Variants in TPD52L2 observed in about 807,000 individuals in gnomAD.
The protein encoded by TPD52L2 is TPD52 like 2, also known as tumor protein D54.
A neutral mutation model predicts 24.7 loss-of-function variants in TPD52L2; 19 were observed. The observed-to-expected ratio is 0.77, with a 90% confidence interval of 0.54 to 1.13. The LOEUF (loss-of-function observed/expected upper bound fraction) is 1.13. Ranked by LOEUF, TPD52L2 falls within the 50% of genes most tolerant of loss-of-function variation. The pLI, the probability that TPD52L2 is intolerant of heterozygous loss-of-function variation, is 0.00. For synonymous variants in TPD52L2, 104 were observed against 100.2 expected, an observed-to-expected ratio of 1.04 and a Z score of -0.23; for missense variants, 236 against 250.4, an observed-to-expected ratio of 0.94 and a Z score of 0.39.
intron 2 of TPD52L2, 68 bp downstream of exon 2, chr20:63,869,509 C>T: frequency 1.9e-6 from 3 of 1,594,598 alleles, no homozygotes; most frequent in East Asian, 2.2e-5. Flanking sequence ...AGTGAGAGGC[C>T]AGGGTACTGG....
At chr20:63,878,476 G>A (rs534374687) in intron 4 of TPD52L2, among the ~76,000 whole-genome samples, 2 of 152,338 alleles carry the variant, frequency 1.3e-5, no homozygotes, top group South Asian at 2.1e-4. Flanking sequence ...CAGAAAGCAC[G>A]ACTCAAGGTA....
chr20:63,874,028 A>T (rs915825268), intron 3 of TPD52L2, among the ~76,000 whole-genome samples: 18 of 151,904 alleles, frequency 1.2e-4, no homozygotes, highest in Admixed American at 1.1e-3. Flanking sequence ...CATGTGTTTT[A>T]TTTATTTTTA....
chr20:63,889,266 C>G, intron 6 of TPD52L2, 28 bp downstream of exon 6: 1 of 1,603,282 alleles, frequency 6.2e-7, no homozygotes, highest in Non-Finnish European at 8.5e-7. Flanking sequence ...GTTTGATGGT[C>G]TTGGCAAGGT....
chr20:63,887,755 T>C, intron 5 of TPD52L2: 3 of 778,944 alleles, frequency 3.9e-6, no homozygotes, highest in South Asian at 3.2e-5. Flanking sequence ...TAAGGGCCGG[T>C]AAAAACCCCC....
chr20:63,882,004 G>C (rs1051467270), intron 4 of TPD52L2, among the ~76,000 whole-genome samples: 1 of 152,346 alleles, frequency 6.6e-6, no homozygotes, highest in South Asian at 2.1e-4. Context: ...GGACACTGGA[G>C]GGAGCTGGAG....
At position 63,890,004 on chromosome 20, in the gene TPD52L2, G is replaced by C; in HGVS notation, c.*59G>C. ...GCAACCCAGCCTCAGCATCACAGCC[G>C]CAGCTCTGTTCAGCGGAGCAGCCAG... On this transcript the variant is annotated 3_prime_UTR_variant, in exon 7 of 7. Transcript: ENST00000346249. 29 of 1,606,808 alleles carry C rather than the reference G, an allele frequency of 1.8e-5. No individual in the cohort carries two copies. Among genetic ancestry groups the C allele is most frequent in the Non-Finnish European group, 2.5e-5 (29 of 1,177,318 alleles).
chr20:63,880,179 T>C (rs4809376), intron 4 of TPD52L2, among the ~76,000 whole-genome samples: 1,120 of 51,116 alleles, frequency 0.022, 26 homozygotes, highest in East Asian at 0.11. Flanking sequence ...CCCCACTCTT[T>C]AGGCACAAAT....
At chr20:63,871,614 T>A (rs997814801) in intron 2 of TPD52L2, among the ~76,000 whole-genome samples, 3 of 150,840 alleles carry the variant, frequency 2.0e-5, no homozygotes, top group Admixed American at 6.6e-5. Flanking sequence ...CCTCCCATAG[T>A]GCTGGGATTA....
intron 1 of TPD52L2, among the ~76,000 whole-genome samples, chr20:63,866,093 T>A (rs1047666475): frequency 1.3e-5 from 2 of 150,946 alleles, no homozygotes; most frequent in African/African-American, 4.9e-5. Context: ...GCTAAATTTC[T>A]TTCTTTCTTT....
chr20:63,865,391 G>T lies in TPD52L2; in HGVS notation c.19+7G>T. 1 of 1,529,380 alleles carries T rather than the reference G, an allele frequency of 6.5e-7. No individual in the cohort carries two copies. Among genetic ancestry groups the T allele is most frequent in the Non-Finnish European group, 8.7e-7 (1 of 1,143,464 alleles). The allele number at this position is 1,529,380 out of a possible 1,614,324, so 94.7% of individuals were successfully genotyped here. On this transcript the variant is annotated splice_region_variant and intron_variant, in intron 1 of 6. Coordinates refer to ENST00000346249, the MANE Select transcript of TPD52L2 (RefSeq NM_003288.4). ...ATGGACTCCGCCGGCCAAGGTACCT[G>T]CCGGGCCCGGCCCCTTCGCCGCAGA...
At chr20:63,889,529 T>C (rs1196543870) in intron 6 of TPD52L2, among the ~76,000 whole-genome samples, 1 of 151,756 alleles carries the variant, frequency 6.6e-6, no homozygotes, top group East Asian at 1.9e-4. Context: ...CCTGGTACCT[T>C]CTTGGCCATG....
chr20:63,875,132 ACT>A (rs2052618870), intron 3 of TPD52L2, among the ~76,000 whole-genome samples: 1 of 145,912 alleles, frequency 6.9e-6, no homozygotes, highest in East Asian at 2.0e-4. Context: ...ACAGAGCAAG[ACT>A]CTGTCTCAAA....
intron 3 of TPD52L2, 37 bp from the exon 4 acceptor site, chr20:63,875,779 T>C (rs2052649898): frequency 6.2e-7 from 1 of 1,607,234 alleles, no homozygotes; most frequent in African/African-American, 1.3e-5. Context: ...TTAAAATTGT[T>C]CTTCTAAATA....
rs1258841769 is a variant in TPD52L2 at position 63,890,165 on chromosome 20, A to G, written c.*220A>G. ...TTACACTCACGTTTGTAGATGAAAC[A>G]GATCACTGTGCTGTCCTTCCTAGGG... On this transcript the variant is annotated 3_prime_UTR_variant, in exon 7 of 7. Transcript: ENST00000346249. 1 of 1,076,924 alleles carries G rather than the reference A, an allele frequency of 9.3e-7. No individual in the cohort carries two copies. Among genetic ancestry groups the G allele is most frequent in the African/African-American group, 1.6e-5 (1 of 63,100 alleles). 66.7% of individuals were successfully genotyped at this position (1,076,924 alleles called of 1,614,324 possible).
intron 5 of TPD52L2, among the ~76,000 whole-genome samples, chr20:63,885,027 C>T (rs139987310): frequency 2.0e-5 from 3 of 152,298 alleles, no homozygotes; most frequent in Admixed American, 6.5e-5. Flanking sequence ...CCATTCACCT[C>T]GAGTTAGAGA....
chr20:63,885,380 C>T (rs2053054171), intron 5 of TPD52L2, among the ~76,000 whole-genome samples: 1 of 152,242 alleles, frequency 6.6e-6, no homozygotes, highest in South Asian at 2.1e-4. Context: ...TTGAGTGTTT[C>T]TCAGTTCTTC....
rs915395242 is a variant in TPD52L2 at position 63,877,349 on chromosome 20, C to A, written c.374+1474C>A. 3.6e-6 allele frequency: 1 copy of A among 279,814 alleles called. No individual in the cohort carries two copies. Among genetic ancestry groups the A allele is most frequent in the Non-Finnish European group, 7.0e-6 (1 of 143,276 alleles). 17.3% of individuals were successfully genotyped at this position (279,814 alleles called of 1,614,324 possible). A position where few individuals can be genotyped will look rare whatever the true frequency, so the allele number is the denominator to read the frequency against. On this transcript the variant is annotated intron_variant, in intron 4 of 6. Coordinates refer to ENST00000346249, the MANE Select transcript of TPD52L2 (RefSeq NM_003288.4). The surrounding 1 kb of genome is among the most constrained non-coding windows in gnomAD (Gnocchi z 4.1). ...TAATTTTTTGTATTTTTAGTAGAGACAGGGTTTCATGGTGTTAGCCAGGAT... is the reference window on the plus strand; with the variant it reads ...TAATTTTTTGTATTTTTAGTAGAGAAAGGGTTTCATGGTGTTAGCCAGGAT...
intron 5 of TPD52L2, chr20:63,888,559 G>T (rs55869401): frequency 2.2e-5 from 3 of 135,178 alleles, no homozygotes; most frequent in African/African-American, 5.7e-5. Flanking sequence ...AGAGCCCGGG[G>T]TATCCCTGTA....
intron 4 of TPD52L2, chr20:63,876,590 G>C (rs187888956): frequency 2.8e-6 from 1 of 361,390 alleles, no homozygotes; most frequent in Non-Finnish European, 5.5e-6. Context: ...GTCTCTGTGG[G>C]ATTTTTTCAT....
Sources: gnomAD v4.1 joint callset for allele counts (sites outside exome capture counted in the v4.1 genomes callset) on GRCh38, gnomAD v4.1.1 for gene constraint, Gnocchi (gnomAD v3.1) non-coding constraint, MANE v1.5 for transcripts, NCBI Gene and HGNC (gene_info 2026-07-23, HGNC 2026-07-21) for gene names.